TMEM94: variants seen among roughly 807,000 people sequenced by gnomAD.
TMEM94 encodes the protein ER Mg2+ ATPase.
Under a neutral mutation model 158.6 loss-of-function variants are expected in TMEM94, and 81 were observed. The observed-to-expected ratio is 0.51, with a 90% confidence interval of 0.43 to 0.61. TMEM94 has a LOEUF of 0.61. Among genes scored for constraint, TMEM94 ranks in the 20% least tolerant of loss-of-function variants. The pLI is 0.00. For synonymous variants in TMEM94, 751 were observed against 730.7 expected (o/e 1.03, Z -0.45); for missense variants, 1,435 against 1,762.0 (o/e 0.81, Z 3.32).
chr17:75,459,213 C>G (rs1482584296), intron 1 of TMEM94, among the ~76,000 whole-genome samples: 1 of 152,176 alleles, frequency 6.6e-6, no homozygotes, highest in Non-Finnish European at 1.5e-5. Flanking sequence ...TTCTCTTTGT[C>G]AAAACTGCAA....
intron 1 of TMEM94, chr17:75,457,830 G>C (rs935826972): frequency 3.9e-5 from 6 of 152,188 alleles, no homozygotes; most frequent in Admixed American, 1.3e-4. Flanking sequence ...CCAGGGGCTT[G>C]AGTTCTTTAT....
Position 75,496,741 on chromosome 17 carries a change from C to G in TMEM94, c.3255C>G (p.Ala1085=). 6.2e-7 allele frequency: 1 copy of G among 1,613,860 alleles called. No homozygotes were observed. Among genetic ancestry groups the G allele is most frequent in the Non-Finnish European group, 8.5e-7 (1 of 1,179,992 alleles). ...IIRLIEQARH[A]TYGIRKCFLF... is the part of the protein sequence containing the mutation. ...CTCTTGGTCCCTAGGCTCGGCATGCCACCTATGGCATCCGTAAGTGCTTCC... is the reference window on the plus strand; with the variant it reads ...CTCTTGGTCCCTAGGCTCGGCATGCGACCTATGGCATCCGTAAGTGCTTCC... Residue 1085 remains alanine, a synonymous_variant, in exon 25 of 32, where the codon GCC becomes GCG. Coordinates refer to ENST00000314256, the MANE Select transcript of TMEM94 (RefSeq NM_014738.6).
chr17:75,463,174 G>GTATATATATA lies in TMEM94; in HGVS notation c.-107+6424_-107+6425insATATATATAT, dbSNP rs1483017222. 7.6e-3 allele frequency among the ~76,000 whole-genome samples: 37 copies of GTATATATATA among 4,850 alleles called. 4 individuals are homozygous for GTATATATATA. Among genetic ancestry groups the GTATATATATA allele is most frequent in the African/African-American group, 0.028 (33 of 1,192 alleles). The allele number at this position is 4,850 out of a possible 152,430, so 3.2% of individuals were successfully genotyped here. A position where few individuals can be genotyped will look rare whatever the true frequency, so the allele number is the denominator to read the frequency against. On this transcript the variant is annotated intron_variant, in intron 1 of 31. Coordinates refer to ENST00000314256, the MANE Select transcript of TMEM94 (RefSeq NM_014738.6). ...CACGTATATATATGTGTGTGTGTGTGTGTGTATATATATATATATATATAC... is the reference window on the plus strand; with the variant it reads ...CACGTATATATATGTGTGTGTGTGTGTATATATATATGTGTATATATATATATATATATAC...
At chr17:75,497,415 G>A (rs2052821629) in intron 26 of TMEM94, among the ~76,000 whole-genome samples, 1 of 136,306 alleles carries the variant, frequency 7.3e-6, no homozygotes, top group Non-Finnish European at 1.5e-5. Context: ...GTGCAATGGT[G>A]CAATCTCTGC....
Position 75,487,105 on chromosome 17 carries a change from C to G in TMEM94, c.409+679C>G, listed in dbSNP as rs1162418886. Among the ~76,000 whole-genome samples the G allele has an allele frequency of 6.6e-6, 1 of 152,178 alleles. No homozygotes were observed. Among genetic ancestry groups the G allele is most frequent in the Admixed American group, 6.5e-5 (1 of 15,284 alleles). ...CTTTCGTTCTGAGATGGTTAATTGCCACCATGTGCCAGGCACTGGGAGTGC... is the reference window on the plus strand; with the variant it reads ...CTTTCGTTCTGAGATGGTTAATTGCGACCATGTGCCAGGCACTGGGAGTGC... On this transcript the variant is annotated intron_variant, in intron 5 of 31. Transcript: ENST00000314256. The surrounding 1 kb of genome is among the most constrained non-coding windows in gnomAD (Gnocchi z 4.6).
Position 75,493,502 on chromosome 17 carries a change from A to G in TMEM94, c.2098A>G (p.Met700Val), listed in dbSNP as rs2146781506. The change falls in exon 17 of 32, where the codon ATG (methionine) becomes GTG (valine). Residue 700 changes from methionine (M) to valine (V), a missense_variant. Physicochemically the swap from Met to Val is conservative, Grantham distance 21. This residue lies in a region of TMEM94 where 1,051 missense variants were observed against 1,254.4 expected (regional missense o/e 0.84). Coordinates refer to ENST00000314256, the MANE Select transcript of TMEM94 (RefSeq NM_014738.6). ...ACTCTCTCCCCCAGGCACAGAGCAG[A>G]TGCTGTCCCATGGCACCGCTGATGT... ...IKDTTTSTEQ[M>V]LSHGTADVVL... 3.1e-6 allele frequency: 5 copies of G among 1,613,890 alleles called. No homozygotes were observed. Among genetic ancestry groups the G allele is most frequent in the African/African-American group, 1.3e-5 (1 of 75,054 alleles).
Position 75,492,598 on chromosome 17 carries a change from A to C in TMEM94, c.1721A>C (p.Asn574Thr). ...TCCTGCATCCAGTTTGATGACTCCA[A>C]CTGGCAGCTGCACCTCACCTCCCTC... ...NPSCIQFDDSNWQLHLTSLKP... is the reference protein window; with the variant it reads ...NPSCIQFDDSTWQLHLTSLKP... The change falls in exon 15 of 32, where the codon AAC becomes ACC. Residue 574 changes from asparagine (N) to threonine (T), a missense_variant. Asn to Thr is a moderately conservative substitution (Grantham distance 65). This residue lies in a region of TMEM94 where 1,051 missense variants were observed against 1,254.4 expected (regional missense o/e 0.84). Coordinates refer to ENST00000314256, the MANE Select transcript of TMEM94 (RefSeq NM_014738.6). The surrounding 1 kb of genome is among the most constrained non-coding windows in gnomAD (Gnocchi z 4.4). The C allele has an allele frequency of 6.2e-7, 1 of 1,614,012 alleles. No individual in the cohort carries two copies. The highest frequency in any genetic ancestry group is 1.3e-5 in the African/African-American group (1 of 75,008).
chr17:75,496,336 C>A lies in TMEM94; in HGVS notation c.3108C>A (p.Tyr1036Ter). The A allele has an allele frequency of 6.2e-7, 1 of 1,614,172 alleles. No individual in the cohort carries two copies. The highest frequency in any genetic ancestry group is 8.5e-7 in the Non-Finnish European group (1 of 1,180,048). ...GTTGCTCCTGGGAGACCTTTGGCTA[C>A]GCCACCAGCATCAGCATGGCCCAGG... is the stretch of plus-strand genomic sequence containing the variant. The part of the protein sequence containing the change: ...PSRCSWETFG[Y>*]ATSISMAQAS... The change falls in exon 24 of 32, where the codon TAC (tyrosine) becomes TAA (stop). Residue 1036 changes from tyrosine to a stop codon, truncating the protein, a stop_gained. Transcript: ENST00000314256. LOFTEE classifies it high-confidence loss of function.
At chr17:75,459,093 A>G (rs1212556848) in intron 1 of TMEM94, among the ~76,000 whole-genome samples, 2 of 149,110 alleles carry the variant, frequency 1.3e-5, no homozygotes, top group Non-Finnish European at 3.0e-5. Flanking sequence ...AACAAATAAA[A>G]TGTAGACTAT....
Position 75,489,619 on chromosome 17 carries a change from C to T in TMEM94, c.911C>T (p.Ala304Val), listed in dbSNP as rs770446773. ...ITNALRFIFS[A>V]PGVTSWQYTL... ...AATGCCCTGCGCTTCATCTTCAGTG[C>T]CCCGGGGGTCACTTCCTGGCAGTAC... The change falls in exon 9 of 32, where the codon GCC becomes GTC. Residue 304 changes from alanine (A) to valine (V), a missense_variant. Transcript: ENST00000314256. The surrounding 1 kb of genome is among the most constrained non-coding windows in gnomAD (Gnocchi z 5.0). 4 of 1,614,006 alleles carry T rather than the reference C, an allele frequency of 2.5e-6. No individual in the cohort carries two copies. Among genetic ancestry groups the T allele is most frequent in the Non-Finnish European group, 3.4e-6 (4 of 1,179,980 alleles).
rs748281273 is a variant in TMEM94, at chr17:75,491,194, C to T, written c.1233+41C>T. The T allele has an allele frequency of 2.3e-5, 37 of 1,592,936 alleles. No individual in the cohort carries two copies. The highest frequency in any genetic ancestry group is 5.4e-5 in the African/African-American group (4 of 74,672). ...GCGGGGAGGAGGCAACTGTCATGCCCGCCCTGCTCTCTGGCTGGGCCTGGG... is the reference window on the plus strand; with the variant it reads ...GCGGGGAGGAGGCAACTGTCATGCCTGCCCTGCTCTCTGGCTGGGCCTGGG... On this transcript the variant is annotated intron_variant, in intron 12 of 31. Coordinates refer to ENST00000314256, the MANE Select transcript of TMEM94 (RefSeq NM_014738.6). The surrounding 1 kb of genome is among the most constrained non-coding windows in gnomAD (Gnocchi z 5.1).
intron 2 of TMEM94, among the ~76,000 whole-genome samples, chr17:75,482,171 G>T (rs116854986): frequency 6.6e-6 from 1 of 151,852 alleles, no homozygotes; most frequent in South Asian, 2.1e-4. Context: ...GGTGAAACTC[G>T]GTCTCTACTA....
chr17:75,473,475 C>T (rs1456970236), intron 2 of TMEM94, among the ~76,000 whole-genome samples: 1 of 152,142 alleles, frequency 6.6e-6, no homozygotes, highest in East Asian at 1.9e-4. Context: ...GCTGAATCCC[C>T]CAAAACAGAG....
rs144215495 is a variant in TMEM94 at position 75,489,306 on chromosome 17, C to G, written c.805C>G (p.Leu269Val). The stretch of plus-strand genomic sequence containing the variant: ...GGCCCTGTCCCGACCAGTCACTGCC[C>G]TGGACAATGAGCGGTTCACAGTGCA... ...DMALSRPVTA[L>V]DNERFTVQSV... is the part of the protein sequence containing the mutation. Residue 269 changes from leucine to valine, a missense_variant, in exon 8 of 32, where the codon CTG becomes GTG. By Grantham distance (32) the Leu-to-Val change is conservative. Transcript: ENST00000314256. The surrounding 1 kb of genome is among the most constrained non-coding windows in gnomAD (Gnocchi z 5.0). 1 of 1,614,242 alleles carries G rather than the reference C, an allele frequency of 6.2e-7. No homozygotes were observed.
At chr17:75,461,786 C>T (rs939490964) in intron 1 of TMEM94, among the ~76,000 whole-genome samples, 4 of 149,612 alleles carry the variant, frequency 2.7e-5, no homozygotes, top group East Asian at 4.3e-4. Flanking sequence ...TGGTGGCGGG[C>T]GCCTGCAGTC....
In TMEM94 at chr17:75,491,931, C is replaced by T. The variant is rs1196096381; in HGVS notation, c.1596+31C>T. On this transcript the variant is annotated intron_variant, in intron 14 of 31. Coordinates refer to ENST00000314256, the MANE Select transcript of TMEM94 (RefSeq NM_014738.6). This position sits in a 1 kb window ranked among gnomAD's most constrained non-coding sequence, Gnocchi z 5.1. ...GGGAGGGGGTGGCACGGGGCAGCCA[C>T]ACCCTCGGCCACAGGCTGTCCTGGC... 1 of 1,578,626 alleles carries T rather than the reference C, an allele frequency of 6.3e-7. No individual in the cohort carries two copies. Among genetic ancestry groups the T allele is most frequent in the Non-Finnish European group, 8.6e-7 (1 of 1,161,032 alleles).
intron 1 of TMEM94, among the ~76,000 whole-genome samples, chr17:75,459,161 A>C (rs901941894): frequency 1.3e-5 from 2 of 152,016 alleles, no homozygotes; most frequent in African/African-American, 2.4e-5. Flanking sequence ...AAACATTGCA[A>C]GTCTTAGCTG....
intron 17 of TMEM94, 48 bp from the exon 18 acceptor site, chr17:75,493,651 C>A: frequency 6.2e-7 from 1 of 1,612,368 alleles, no homozygotes; most frequent in Middle Eastern, 1.7e-4. Context: ...GGCACCTGCC[C>A]TTCACAGGCA....
In TMEM94 at chr17:75,495,099, A is replaced by G; in HGVS notation, c.2728+65A>G. The G allele has an allele frequency of 1.3e-6, 2 of 1,577,294 alleles. No homozygotes were observed. The highest frequency in any genetic ancestry group is 1.7e-6 in the Non-Finnish European group (2 of 1,159,604). The stretch of plus-strand genomic sequence containing the variant: ...GGAGGATTCCCCTCCTCAGAGCCAC[A>G]GCCAGGAAGAGCCTCCGGAGAGCCC... On this transcript the variant is annotated intron_variant, in intron 20 of 31. Coordinates refer to ENST00000314256, the MANE Select transcript of TMEM94 (RefSeq NM_014738.6). The surrounding 1 kb of genome is among the most constrained non-coding windows in gnomAD (Gnocchi z 5.6).
Sources: allele counts gnomAD v4.1 joint callset (sites outside exome capture counted in the v4.1 genomes callset), GRCh38; gene constraint gnomAD v4.1.1; regional missense constraint gnomAD v4.1.1; non-coding constraint Gnocchi (gnomAD v3.1); transcripts MANE v1.5; gene names NCBI Gene and HGNC (gene_info 2026-07-23, HGNC 2026-07-21).